The following POU6F2 variants were observed in gnomAD, a reference collection of about 807,000 sequenced individuals.
POU6F2 encodes the protein POU class 6 homeobox 2, also known as POU domain, class 6, transcription factor 2.
Under a neutral mutation model 71.3 loss-of-function variants are expected in POU6F2, and 31 were observed. The ratio of observed to expected loss-of-function variants is 0.43; its 90% CI spans 0.33 to 0.59. The LOEUF (loss-of-function observed/expected upper bound fraction) is 0.59. POU6F2 is among the 20% of genes least tolerant of loss of function. The pLI is 0.04. For synonymous variants in POU6F2, 347 were observed against 355.7 expected, an observed-to-expected ratio of 0.98 and a Z score of 0.27; for missense variants, 783 against 856.8, an observed-to-expected ratio of 0.91 and a Z score of 1.07.
intron 3 of POU6F2, among the ~76,000 whole-genome samples, chr7:39,206,167 G>A (rs868747921): frequency 1.3e-5 from 2 of 152,136 alleles, no homozygotes; most frequent in African/African-American, 2.4e-5. Flanking sequence ...GGTTCTTGTA[G>A]AAGAACAACA....
chr7:39,201,676 A>G (rs914726731), intron 2 of POU6F2, among the ~76,000 whole-genome samples: 7 of 152,206 alleles, frequency 4.6e-5, no homozygotes, highest in Non-Finnish European at 1.0e-4. Flanking sequence ...GCTCCTGGTC[A>G]GGAGGAACCC....
At chr7:39,078,042 A>G (rs950994381) in intron 1 of POU6F2, among the ~76,000 whole-genome samples, 11 of 151,970 alleles carry the variant, frequency 7.2e-5, no homozygotes. Flanking sequence ...CACCAAAACT[A>G]CCATATGGTT....
At chr7:39,143,724 C>A (rs1349773457) in intron 2 of POU6F2, among the ~76,000 whole-genome samples, 2 of 151,922 alleles carry the variant, frequency 1.3e-5, no homozygotes, top group Non-Finnish European at 2.9e-5. Context: ...TTGCAGTCAC[C>A]CAGATAATTT....
At chr7:39,197,964 G>A (rs1296692017) in intron 2 of POU6F2, among the ~76,000 whole-genome samples, 1 of 152,186 alleles carries the variant, frequency 6.6e-6, no homozygotes, top group Non-Finnish European at 1.5e-5. Context: ...CTCTTGTAGA[G>A]ATAGCAGTAC....
At chr7:39,288,469 C>G (rs1399757164) in intron 4 of POU6F2, among the ~76,000 whole-genome samples, 1 of 152,190 alleles carries the variant, frequency 6.6e-6, no homozygotes, top group Non-Finnish European at 1.5e-5. Flanking sequence ...ACACTAGTTC[C>G]TTTCTTCTTC....
At chr7:39,365,235 A>G (rs944964992) in intron 5 of POU6F2, among the ~76,000 whole-genome samples, 1 of 152,194 alleles carries the variant, frequency 6.6e-6, no homozygotes, top group African/African-American at 2.4e-5. Flanking sequence ...AAACCCAAAT[A>G]CTTACTTACA....
At chr7:38,983,118 G>A (rs2116594548) in intron 1 of POU6F2, among the ~76,000 whole-genome samples, 1 of 152,166 alleles carries the variant, frequency 6.6e-6, no homozygotes, top group South Asian at 2.1e-4. Context: ...GCTTGATTGA[G>A]TAGAAAATAA....
At chr7:39,398,216 A>G (rs769827121) in intron 5 of POU6F2, among the ~76,000 whole-genome samples, 4 of 152,116 alleles carry the variant, frequency 2.6e-5, no homozygotes, top group Admixed American at 1.3e-4. Flanking sequence ...GAAAGAGTCA[A>G]AGATACAGCA....
chr7:39,410,282 C>G (rs1787526617), intron 6 of POU6F2, among the ~76,000 whole-genome samples: 1 of 152,166 alleles, frequency 6.6e-6, no homozygotes, highest in Non-Finnish European at 1.5e-5. Flanking sequence ...GCACTCCAGC[C>G]TGGGTGACAG....
At chr7:39,073,846 A>G (rs1297509743) in intron 1 of POU6F2, among the ~76,000 whole-genome samples, 1 of 152,228 alleles carries the variant, frequency 6.6e-6, no homozygotes, top group Non-Finnish European at 1.5e-5. Flanking sequence ...TCAATTAGGC[A>G]GTGGCCTTTT....
rs376729753 is a variant in POU6F2 at position 39,114,690 on chromosome 7, C to T, written c.277+28659C>T. ...CAGGTGCCAAATTACAGTTTTTATA[C>T]CATAAAAATGAAGTTGTTAAACCTT... On this transcript the variant is annotated intron_variant, in intron 2 of 9. Coordinates refer to ENST00000518318, the MANE Select transcript of POU6F2 (RefSeq NM_001370959.1). Among the ~76,000 whole-genome samples the T allele has an allele frequency of 1.3e-3, 192 of 151,832 alleles. 3 individuals are homozygous for T. The South Asian group carries it at 0.023, about 18-fold the overall frequency.
intron 4 of POU6F2, among the ~76,000 whole-genome samples, chr7:39,245,543 T>C (rs1371361927): frequency 6.6e-6 from 1 of 152,206 alleles, no homozygotes; most frequent in East Asian, 1.9e-4. Context: ...ACCTTCTTCT[T>C]AGACTTATTA....
At chr7:39,402,190 GT>G (rs1787319598) in intron 5 of POU6F2, among the ~76,000 whole-genome samples, 1 of 152,186 alleles carries the variant, frequency 6.6e-6, no homozygotes, top group Non-Finnish European at 1.5e-5. Context: ...GTGATACTAT[GT>G]ATGGTGACAT....
chr7:39,390,444 A>C (rs1229807245), intron 5 of POU6F2, among the ~76,000 whole-genome samples: 1 of 152,212 alleles, frequency 6.6e-6, no homozygotes, highest in Admixed American at 6.5e-5. Flanking sequence ...ATGGTAAGGC[A>C]AGGCAGATGT....
At chr7:39,318,649 C>T (rs1785321258) in intron 4 of POU6F2, among the ~76,000 whole-genome samples, 1 of 152,212 alleles carries the variant, frequency 6.6e-6, no homozygotes, top group African/African-American at 2.4e-5. Flanking sequence ...AAGCAAGGCT[C>T]AGTTCCTCTG....
intron 2 of POU6F2, among the ~76,000 whole-genome samples, chr7:39,104,221 C>T (rs1294107478): frequency 6.6e-6 from 1 of 152,172 alleles, no homozygotes; most frequent in African/African-American, 2.4e-5. Context: ...AGGGTTGCTC[C>T]CATTATTTAT....
At chr7:39,100,502 T>C (rs1182170084) in intron 2 of POU6F2, among the ~76,000 whole-genome samples, 1 of 152,220 alleles carries the variant, frequency 6.6e-6, no homozygotes, top group African/African-American at 2.4e-5. Context: ...AATTACATAT[T>C]CATGCCCTAT....
At chr7:39,057,451 C>T (rs1790555302) in intron 1 of POU6F2, among the ~76,000 whole-genome samples, 1 of 151,956 alleles carries the variant, frequency 6.6e-6, no homozygotes, top group African/African-American at 2.4e-5. Context: ...CATCTTCACA[C>T]ACTTTTATTG....
At chr7:39,392,614 T>C (rs1257056432) in intron 5 of POU6F2, among the ~76,000 whole-genome samples, 1 of 152,222 alleles carries the variant, frequency 6.6e-6, no homozygotes, top group East Asian at 1.9e-4. Context: ...AGGGTAACTC[T>C]GTAACACACA....
Sources: allele counts gnomAD v4.1 joint callset (sites outside exome capture counted in the v4.1 genomes callset), GRCh38; gene constraint gnomAD v4.1.1; transcripts MANE v1.5; gene names NCBI Gene and HGNC (gene_info 2026-07-23, HGNC 2026-07-21).